The following KLF7 variants were observed in gnomAD, a reference collection of about 807,000 sequenced individuals.
KLF7 encodes Krueppel-like factor 7.
In KLF7, 2 loss-of-function variants were observed where a neutral mutation model predicts 27.3. The observed-to-expected ratio is 0.07, with a 90% CI of 0.03 to 0.23. KLF7 has a LOEUF of 0.23. Among genes scored for constraint, KLF7 ranks in the 10% least tolerant of loss-of-function variants. KLF7 has a pLI of 1.00. For synonymous variants in KLF7, 165 were observed against 162.4 expected (o/e 1.02, Z -0.12); for missense variants, 221 against 394.1 (o/e 0.56, Z 3.72).
At position 207,079,706 on chromosome 2, in the gene KLF7, G is replaced by C. The variant is rs1319095788; in HGVS notation, c.*1507C>G. ...CTTGCAGAGTAAATGTGAGGCCTCTGTTAATCCTGGGGGTTCTAGGTCACA... is the reference window on the plus strand; with the variant it reads ...CTTGCAGAGTAAATGTGAGGCCTCTCTTAATCCTGGGGGTTCTAGGTCACA... On this transcript the variant is annotated 3_prime_UTR_variant, in exon 4 of 4. Transcript: ENST00000309446. 6.6e-6 allele frequency: 1 copy of C among 151,750 alleles called. No individual in the cohort carries two copies. Among genetic ancestry groups the C allele is most frequent in the Non-Finnish European group, 1.5e-5 (1 of 68,004 alleles). 9.4% of individuals were successfully genotyped at this position (151,750 alleles called of 1,614,324 possible). A position where few individuals can be genotyped will look rare whatever the true frequency, so the allele number is the denominator to read the frequency against.
At chr2:207,130,219 A>T (rs1364957324) in intron 1 of KLF7, among the ~76,000 whole-genome samples, 1 of 151,616 alleles carries the variant, frequency 6.6e-6, no homozygotes, top group Non-Finnish European at 1.5e-5. Context: ...CTTCCCTCCC[A>T]CTCATCATTC....
At chr2:207,137,619 G>A (rs1473995236) in intron 1 of KLF7, among the ~76,000 whole-genome samples, 1 of 152,218 alleles carries the variant, frequency 6.6e-6, no homozygotes. Flanking sequence ...AACTAGGCAA[G>A]AGTGGAGGAT....
intron 1 of KLF7, among the ~76,000 whole-genome samples, chr2:207,126,419 A>G (rs1338460647): frequency 1.3e-5 from 2 of 152,186 alleles, no homozygotes; most frequent in Admixed American, 1.3e-4. Flanking sequence ...TATTACTTTG[A>G]TCATTCTACC....
chr2:207,137,995 G>A lies in KLF7; in HGVS notation c.103-13591C>T, dbSNP rs141201462. Among the ~76,000 whole-genome samples the A allele has an allele frequency of 2.9e-3, 447 of 152,324 alleles. 2 individuals carry two copies. Among genetic ancestry groups the A allele is most frequent in the African/African-American group, 0.01 (424 of 41,576 alleles). On this transcript the variant is annotated intron_variant, in intron 1 of 3. Coordinates refer to ENST00000309446, the MANE Select transcript of KLF7 (RefSeq NM_003709.4). ...ATGACAGGGAAAAAAATCAAGTGCTGAGACCCTGAAGTTTGGATTCCAGTA... is the reference window on the plus strand; with the variant it reads ...ATGACAGGGAAAAAAATCAAGTGCTAAGACCCTGAAGTTTGGATTCCAGTA...
intron 1 of KLF7, among the ~76,000 whole-genome samples, chr2:207,157,513 G>A (rs1016207959): frequency 6.6e-6 from 1 of 152,212 alleles, no homozygotes; most frequent in African/African-American, 2.4e-5. Flanking sequence ...TACTACATGT[G>A]AAAAGGGGGG....
intron 2 of KLF7, among the ~76,000 whole-genome samples, chr2:207,116,646 C>T (rs1048839678): frequency 1.3e-5 from 2 of 152,102 alleles, no homozygotes; most frequent in Non-Finnish European, 2.9e-5. Context: ...TAGAAACAGC[C>T]TCTGTACATT....
At chr2:207,110,267 G>C (rs1223590691) in intron 2 of KLF7, among the ~76,000 whole-genome samples, 3 of 152,224 alleles carry the variant, frequency 2.0e-5, no homozygotes, top group Admixed American at 6.5e-5. Flanking sequence ...GTGCGAACCA[G>C]AACAGTGAAT....
intron 1 of KLF7, among the ~76,000 whole-genome samples, chr2:207,158,868 T>TC (rs1316507380): frequency 5.3e-5 from 8 of 152,092 alleles, no homozygotes; most frequent in Admixed American, 5.2e-4. Flanking sequence ...CAGAAGTGAG[T>TC]CAAGGTATAT....
At chr2:207,167,911 T>C (rs2078753983), upstream of KLF7, among the ~76,000 whole-genome samples, 1 of 152,202 alleles carries the variant, frequency 6.6e-6, no homozygotes, top group Non-Finnish European at 1.5e-5. Context: ...TCTCCCCACT[T>C]GAGCTATGTA....
At chr2:207,166,933 C>T (rs1327366552), upstream of KLF7, 26 of 799,316 alleles carry the variant, frequency 3.3e-5, no homozygotes, top group Non-Finnish European at 4.0e-5. Context: ...CCGCCCCGCC[C>T]CGCGGGCGCC....
intron 1 of KLF7, among the ~76,000 whole-genome samples, chr2:207,154,990 C>T (rs1009877265): frequency 6.6e-6 from 1 of 152,196 alleles, no homozygotes; most frequent in Non-Finnish European, 1.5e-5. Context: ...CAGGTCACGA[C>T]CTTTGGCTTC....
At chr2:207,167,674 TG>T (rs536344825), upstream of KLF7, among the ~76,000 whole-genome samples, 58 of 152,254 alleles carry the variant, frequency 3.8e-4, no homozygotes, top group Non-Finnish European at 7.2e-4. Context: ...TTTACTCTAA[TG>T]TAGATGCAGA....
At chr2:207,160,579 G>T (rs2078518099) in intron 1 of KLF7, among the ~76,000 whole-genome samples, 1 of 127,302 alleles carries the variant, frequency 7.9e-6, no homozygotes, top group South Asian at 3.0e-4. Context: ...ACTGGCCAGA[G>T]GAAATTGTAT....
chr2:207,148,989 A>G (rs971035561), intron 1 of KLF7: 28 of 1,148,210 alleles, frequency 2.4e-5, no homozygotes, highest in Non-Finnish European at 2.6e-5. Context: ...TACCTGTGTC[A>G]TCTACTGTCC....
In KLF7 at chr2:207,076,356, A is replaced by G. The variant is rs2076176388; in HGVS notation, c.*4857T>C. ...GTTTGAAAAGAATATCTTGTTTGGG[A>G]TATTTGTGAAGTGATGGCCCAGGAT... is the stretch of plus-strand genomic sequence containing the variant. On this transcript the variant is annotated 3_prime_UTR_variant, in exon 4 of 4. Transcript: ENST00000309446. 6.6e-6 allele frequency: 1 copy of G among 152,132 alleles called. No homozygotes were observed. The highest frequency in any genetic ancestry group is 2.4e-5 in the African/African-American group (1 of 41,504). The allele number at this position is 152,132 out of a possible 1,614,324, so 9.4% of individuals were successfully genotyped here.
intron 2 of KLF7, among the ~76,000 whole-genome samples, chr2:207,118,559 A>C (rs1195689354): frequency 6.6e-6 from 1 of 152,244 alleles, no homozygotes; most frequent in Non-Finnish European, 1.5e-5. Context: ...TTGGAAGTTA[A>C]GAGAGCTCCC....
rs951229354 is a variant in KLF7 at position 207,124,546 on chromosome 2, C to G, written c.103-142G>C. The G allele has an allele frequency of 3.7e-5, 28 of 756,612 alleles. 1 individual carries two copies. The African/African-American group carries it at 4.7e-4, about 13-fold the overall frequency. The allele number at this position is 756,612 out of a possible 1,614,324, so 46.9% of individuals were successfully genotyped here. On this transcript the variant is annotated intron_variant, in intron 1 of 3. Transcript: ENST00000309446. ...AGAAATGCCTTAGTAGAAGGTCTGA[C>G]CTTGTTATTTATTCTCTGAATACCT... is the stretch of plus-strand genomic sequence containing the variant.
intron 2 of KLF7, among the ~76,000 whole-genome samples, chr2:207,096,642 T>C (rs549115033): frequency 1.3e-5 from 2 of 152,216 alleles, no homozygotes; most frequent in East Asian, 1.9e-4. Flanking sequence ...AAAGAAGCCT[T>C]CTTCTCTGAT....
intron 2 of KLF7, among the ~76,000 whole-genome samples, chr2:207,117,060 T>G (rs1265588693): frequency 3.3e-5 from 5 of 151,966 alleles, no homozygotes. Flanking sequence ...ATGCTTTTCT[T>G]TCTCCTCGAT....
Sources: gnomAD v4.1 joint callset for allele counts (sites outside exome capture counted in the v4.1 genomes callset) on GRCh38, gnomAD v4.1.1 for gene constraint, MANE v1.5 for transcripts, NCBI Gene and HGNC (gene_info 2026-07-23, HGNC 2026-07-21) for gene names.